The following PDSS2 variants were observed in gnomAD, a reference collection of about 807,000 sequenced individuals.
PDSS2 encodes the protein decaprenyl diphosphate synthase subunit 2, also known as all trans-polyprenyl-diphosphate synthase PDSS2.
PDSS2 carries 31 observed loss-of-function variants against 44.5 expected under a neutral mutation model. That is an observed-to-expected ratio of 0.70 (90% CI 0.52 to 0.94). The LOEUF is 0.94. Among genes scored for constraint, PDSS2 ranks in the 40% least tolerant of loss-of-function variants. PDSS2 has a pLI of 0.00. For missense variants in PDSS2, 452 were observed against 482.2 expected (o/e 0.94, Z 0.59); for synonymous variants, 157 against 180.3 (o/e 0.87, Z 1.03).
At chr6:107,166,310 A>T (rs1273632425) in intron 7 of PDSS2, among the ~76,000 whole-genome samples, 2 of 151,306 alleles carry the variant, frequency 1.3e-5, no homozygotes, top group Non-Finnish European at 2.9e-5. Flanking sequence ...TTTGTCATAA[A>T]TAGCTCTTAT....
Position 107,164,527 on chromosome 6 carries a change from T to C in PDSS2, c.1042-9750A>G, listed in dbSNP as rs149240160. 3.4e-3 allele frequency among the ~76,000 whole-genome samples: 511 copies of C among 152,346 alleles called. 1 individual carries two copies. The highest frequency in any genetic ancestry group is 0.012 in the African/African-American group (486 of 41,574). The stretch of plus-strand genomic sequence containing the variant: ...TTTTTTATGGCTGCATAGTATTCCA[T>C]GGTGTATAGGTGCCACATTTTATCA... On this transcript the variant is annotated intron_variant, in intron 7 of 7. Transcript: ENST00000369037.
At chr6:107,187,374 T>C (rs1772205184) in intron 7 of PDSS2, among the ~76,000 whole-genome samples, 1 of 152,040 alleles carries the variant, frequency 6.6e-6, no homozygotes, top group Non-Finnish European at 1.5e-5. Flanking sequence ...ACAGTCAATA[T>C]ACTCTTAAGG....
At chr6:107,184,946 G>A (rs1309707991) in intron 7 of PDSS2, among the ~76,000 whole-genome samples, 5 of 151,676 alleles carry the variant, frequency 3.3e-5, no homozygotes, top group Admixed American at 6.6e-5. Flanking sequence ...TGTGTGTTGA[G>A]TCATGAGACA....
intron 4 of PDSS2, among the ~76,000 whole-genome samples, chr6:107,221,927 T>A (rs928723470): frequency 2.6e-5 from 4 of 151,904 alleles, no homozygotes; most frequent in Admixed American, 2.0e-4. Flanking sequence ...AAAGAAGAGG[T>A]GGAAACAAAG....
intron 1 of PDSS2, among the ~76,000 whole-genome samples, chr6:107,450,820 AAACTGATTGATCAATC>A: frequency 6.6e-6 from 1 of 152,304 alleles, no homozygotes; most frequent in Middle Eastern, 3.4e-3. Flanking sequence ...GTGTATGTTT[AAACTGATTGATCAATC>A]AACTGATTGA....
intron 1 of PDSS2, among the ~76,000 whole-genome samples, chr6:107,427,779 G>A (rs193029088): frequency 2.6e-3 from 390 of 152,166 alleles, no homozygotes; most frequent in Non-Finnish European, 4.3e-3. Flanking sequence ...CATTTGTAAT[G>A]CATATGAGTA....
intron 3 of PDSS2, among the ~76,000 whole-genome samples, chr6:107,272,505 T>C (rs1346380138): frequency 6.6e-6 from 1 of 152,228 alleles, no homozygotes; most frequent in Non-Finnish European, 1.5e-5. Context: ...CCTGGATCCC[T>C]GACTTTGCAG....
chr6:107,364,464 A>G (rs2114320814), intron 1 of PDSS2, among the ~76,000 whole-genome samples: 1 of 152,252 alleles, frequency 6.6e-6, no homozygotes, highest in Admixed American at 6.5e-5. Context: ...GACTCAGTAC[A>G]CCCTCCGCAG....
At chr6:107,399,852 A>T (rs973819746) in intron 1 of PDSS2, among the ~76,000 whole-genome samples, 2 of 152,120 alleles carry the variant, frequency 1.3e-5, no homozygotes, top group Non-Finnish European at 2.9e-5. Flanking sequence ...TCCCTCAAAA[A>T]TGGCAGATTA....
At chr6:107,309,500 G>A (rs189967776) in intron 2 of PDSS2, among the ~76,000 whole-genome samples, 1 of 152,282 alleles carries the variant, frequency 6.6e-6, no homozygotes, top group African/African-American at 2.4e-5. Flanking sequence ...GCTCCTAATT[G>A]AACTCTCCTT....
At chr6:107,372,456 T>A (rs1779154434) in intron 1 of PDSS2, among the ~76,000 whole-genome samples, 1 of 152,148 alleles carries the variant, frequency 6.6e-6, no homozygotes, top group East Asian at 1.9e-4. Context: ...TAATTCTTTT[T>A]TATTTTTTAT....
intron 1 of PDSS2, among the ~76,000 whole-genome samples, chr6:107,373,184 A>T (rs1178988246): frequency 6.6e-6 from 1 of 151,886 alleles, no homozygotes; most frequent in African/African-American, 2.4e-5. Flanking sequence ...GGGTTTCCCC[A>T]TGTTGGCTCA....
chr6:107,261,354 T>C (rs1775216229), intron 3 of PDSS2, among the ~76,000 whole-genome samples: 1 of 152,162 alleles, frequency 6.6e-6, no homozygotes, highest in African/African-American at 2.4e-5. Flanking sequence ...TTGGGAGATC[T>C]GGTAGTTTAA....
chr6:107,246,263 G>A lies in PDSS2; in HGVS notation c.631-644C>T, dbSNP rs545881585. Among the ~76,000 whole-genome samples, 5 of 151,048 alleles carry A rather than the reference G, an allele frequency of 3.3e-5. No homozygotes were observed. The South Asian group carries it at 1.0e-3, about 32-fold the overall frequency. On this transcript the variant is annotated intron_variant, in intron 3 of 7. Coordinates refer to ENST00000369037, the MANE Select transcript of PDSS2 (RefSeq NM_020381.4). Reference sequence around the variant, plus strand: ...AAGTGAGATCAAAAGCTTTGAACTTGTTCCAGGATGTAAAACAAGCAGAAA... The same window carrying A: ...AAGTGAGATCAAAAGCTTTGAACTTATTCCAGGATGTAAAACAAGCAGAAA...
chr6:107,203,023 T>G (rs1387528623), intron 6 of PDSS2, among the ~76,000 whole-genome samples: 1 of 152,128 alleles, frequency 6.6e-6, no homozygotes, highest in East Asian at 1.9e-4. Context: ...AAACATGAAA[T>G]TTTAAATTGC....
chr6:107,366,850 TATTA>T (rs1044946095), intron 1 of PDSS2, among the ~76,000 whole-genome samples: 12 of 151,970 alleles, frequency 7.9e-5, no homozygotes, highest in Non-Finnish European at 1.5e-4. Flanking sequence ...TAAATTGAAT[TATTA>T]ATTAAAGTCC....
chr6:107,456,090 A>G (rs1282255561), intron 1 of PDSS2, among the ~76,000 whole-genome samples: 1 of 152,206 alleles, frequency 6.6e-6, no homozygotes, highest in East Asian at 1.9e-4. Flanking sequence ...TGGGAGGCTG[A>G]GGTGGGCAGA....
At chr6:107,424,506 C>A (rs1780927877) in intron 1 of PDSS2, among the ~76,000 whole-genome samples, 1 of 152,118 alleles carries the variant, frequency 6.6e-6, no homozygotes, top group South Asian at 2.1e-4. Flanking sequence ...CCTTTCAGTT[C>A]CACTCTTATT....
At chr6:107,347,117 C>T (rs1778270844) in intron 1 of PDSS2, among the ~76,000 whole-genome samples, 2 of 152,176 alleles carry the variant, frequency 1.3e-5, no homozygotes, top group South Asian at 2.1e-4. Flanking sequence ...GTCTACCCTA[C>T]AGCCAAGGAG....
Sources: gnomAD v4.1 joint callset for allele counts (sites outside exome capture counted in the v4.1 genomes callset) on GRCh38, gnomAD v4.1.1 for gene constraint, MANE v1.5 for transcripts, NCBI Gene and HGNC (gene_info 2026-07-23, HGNC 2026-07-21) for gene names.